The following DRD3 variants were observed in gnomAD, a reference collection of about 807,000 sequenced individuals.
DRD3 encodes the protein dopamine receptor D3.
DRD3 carries 19 observed loss-of-function variants against 36.3 expected under a neutral mutation model. The observed-to-expected ratio is 0.52, with a 90% CI of 0.36 to 0.77. The LOEUF (loss-of-function observed/expected upper bound fraction) is 0.77, where lower values mean the gene tolerates loss of function less well. Among genes scored for constraint, DRD3 ranks in the 30% least tolerant of loss-of-function variants. The pLI, the probability that DRD3 is intolerant of heterozygous loss-of-function variation, is 0.00. For synonymous variants in DRD3, 195 were observed against 203.7 expected (o/e 0.96, Z 0.36); for missense variants, 465 against 505.3 (o/e 0.92, Z 0.77).
chr3:114,149,437 T>C (rs1005229720), intron 3 of DRD3, among the ~76,000 whole-genome samples: 1 of 152,228 alleles, frequency 6.6e-6, no homozygotes, highest in Non-Finnish European at 1.5e-5. Context: ...GGTCTCCTGC[T>C]GCCAGGTTCC....
At chr3:114,198,398 A>G (rs1055160046) in intron 1 of DRD3, among the ~76,000 whole-genome samples, 1 of 152,040 alleles carries the variant, frequency 6.6e-6, no homozygotes, top group East Asian at 1.9e-4. Flanking sequence ...CAGCCTCCCA[A>G]AGTGCTGGGA....
At chr3:114,154,725 C>A (rs188059354) in intron 3 of DRD3, among the ~76,000 whole-genome samples, 1 of 152,220 alleles carries the variant, frequency 6.6e-6, no homozygotes, top group African/African-American at 2.4e-5. Context: ...ATTTGAGAGC[C>A]ACTTAAAGAA....
In DRD3 at chr3:114,151,764, A is replaced by G. The variant is rs559126291; in HGVS notation, c.384-4207T>C. Among the ~76,000 whole-genome samples, 24 of 152,350 alleles carry G rather than the reference A, an allele frequency of 1.6e-4. No individual in the cohort carries two copies. In the South Asian group the frequency reaches 4.8e-3, roughly 30 times the overall value. ...AAGGTTCTGCAGCAAATTGTGGCAGAGCCATGTCTCCCACCTCTGAGGTGT... is the reference window on the plus strand; with the variant it reads ...AAGGTTCTGCAGCAAATTGTGGCAGGGCCATGTCTCCCACCTCTGAGGTGT... On this transcript the variant is annotated intron_variant, in intron 3 of 6. Transcript: ENST00000383673.
At chr3:114,193,305 AAC>A (rs746992291) in intron 1 of DRD3, among the ~76,000 whole-genome samples, 13,997 of 152,148 alleles carry the variant, frequency 0.092, 691 homozygotes, top group Middle Eastern at 0.2. Flanking sequence ...CAACAACAAC[AAC>A]AACAACAACA....
intron 5 of DRD3, among the ~76,000 whole-genome samples, chr3:114,133,491 T>A (rs531308734): frequency 1.5e-4 from 22 of 144,884 alleles, no homozygotes; most frequent in Admixed American, 2.9e-4. Context: ...ACTTTTTTAT[T>A]TTTGAAAACT....
intron 4 of DRD3, among the ~76,000 whole-genome samples, chr3:114,140,661 C>G (rs533202732): frequency 2.7e-4 from 41 of 152,296 alleles, no homozygotes; most frequent in Middle Eastern, 3.4e-3. Context: ...CAAGGCTGCA[C>G]CTGAAAAATA....
At chr3:114,134,635 G>A (rs1387210250) in intron 5 of DRD3, among the ~76,000 whole-genome samples, 2 of 151,920 alleles carry the variant, frequency 1.3e-5, no homozygotes, top group Non-Finnish European at 1.5e-5. Flanking sequence ...GGCCAGGCTG[G>A]TCTCGAACTC....
intron 2 of DRD3, among the ~76,000 whole-genome samples, chr3:114,160,976 A>G (rs572715171): frequency 1.3e-5 from 2 of 152,316 alleles, no homozygotes; most frequent in South Asian, 4.1e-4. Flanking sequence ...ACTCTAGTAT[A>G]TTTCTATTTA....
chr3:114,136,008 A>G (rs13061336), intron 5 of DRD3, among the ~76,000 whole-genome samples: 1,585 of 152,284 alleles, frequency 0.01, 21 homozygotes, highest in Non-Finnish European at 0.016. Context: ...TATGTTTACA[A>G]TTAAACTGGC....
chr3:114,141,600 AAG>A (rs1243462723), intron 4 of DRD3, among the ~76,000 whole-genome samples: 3 of 152,186 alleles, frequency 2.0e-5, no homozygotes, highest in East Asian at 1.9e-4. Flanking sequence ...CTAAAACGAA[AAG>A]AGTGTGCTCA....
chr3:114,167,486 GA>G lies in DRD3; in HGVS notation c.270+4236del, dbSNP rs1651890329. Reference sequence around the variant, plus strand: ...CTGAATTAAGCAGATAGCCAAGCCAGAAGCCCTCTGAAATATAATCTTCTGT... The same window carrying G: ...CTGAATTAAGCAGATAGCCAAGCCAGAGCCCTCTGAAATATAATCTTCTGT... On this transcript the variant is annotated intron_variant, in intron 2 of 6. Coordinates refer to ENST00000383673, the MANE Select transcript of DRD3 (RefSeq NM_000796.6). Among the ~76,000 whole-genome samples, 3 of 152,354 alleles carry G rather than the reference GA, an allele frequency of 2.0e-5. No homozygotes were observed. The South Asian group carries it at 6.2e-4, about 32-fold the overall frequency.
chr3:114,182,313 TA>T (rs1432464574), upstream of DRD3, among the ~76,000 whole-genome samples: 3 of 151,186 alleles, frequency 2.0e-5, no homozygotes, highest in Non-Finnish European at 4.4e-5. Flanking sequence ...GAAAGAAAAA[TA>T]GTTCAACTCA....
intron 3 of DRD3, among the ~76,000 whole-genome samples, chr3:114,158,965 G>A (rs1183014125): frequency 6.6e-6 from 1 of 152,084 alleles, no homozygotes; most frequent in Non-Finnish European, 1.5e-5. Flanking sequence ...AGTGAGGCTG[G>A]TGATGTCCCA....
intron 2 of DRD3, among the ~76,000 whole-genome samples, chr3:114,167,900 A>C (rs527513612): frequency 6.6e-6 from 1 of 152,312 alleles, no homozygotes; most frequent in South Asian, 2.1e-4. Context: ...TCTTGCTGTG[A>C]ATGGTGTGGT....
intron 3 of DRD3, among the ~76,000 whole-genome samples, chr3:114,159,524 A>C (rs2077712777): frequency 6.6e-6 from 1 of 152,124 alleles, no homozygotes; most frequent in Non-Finnish European, 1.5e-5. Context: ...AATCCTCTTC[A>C]GGGAGCTGGA....
At chr3:114,185,468 A>C (rs879660974) in intron 1 of DRD3, among the ~76,000 whole-genome samples, 5 of 151,930 alleles carry the variant, frequency 3.3e-5, no homozygotes, top group African/African-American at 4.8e-5. Context: ...TAGTGTTTCT[A>C]TCTCTTCGCT....
chr3:114,199,188 A>G (rs142012243), intron 1 of DRD3: 2 of 152,266 alleles, frequency 1.3e-5, no homozygotes, highest in East Asian at 3.9e-4. Flanking sequence ...TTCATCTCCC[A>G]TATTGTCTTG....
chr3:114,132,234 G>A (rs1420246137), intron 5 of DRD3, among the ~76,000 whole-genome samples: 2 of 152,110 alleles, frequency 1.3e-5, no homozygotes, highest in Non-Finnish European at 2.9e-5. Flanking sequence ...CCATAAAAAA[G>A]AATGAGTTCA....
At chr3:114,134,713 T>C (rs899840110) in intron 5 of DRD3, among the ~76,000 whole-genome samples, 2 of 152,164 alleles carry the variant, frequency 1.3e-5, no homozygotes, top group Non-Finnish European at 2.9e-5. Context: ...AGCCACAGCA[T>C]CTGGCCTAGA....
Sources: gnomAD v4.1 joint callset for allele counts (sites outside exome capture counted in the v4.1 genomes callset) on GRCh38, gnomAD v4.1.1 for gene constraint, MANE v1.5 for transcripts, NCBI Gene and HGNC (gene_info 2026-07-23, HGNC 2026-07-21) for gene names.